PHF20L1: variants seen among roughly 807,000 people sequenced by gnomAD.
The protein encoded by PHF20L1 is PHD finger protein 20 like 1, also known as PHD finger protein 20-like protein 1.
Under a neutral mutation model 125.5 loss-of-function variants are expected in PHF20L1, and 44 were observed. The ratio of observed to expected loss-of-function variants is 0.35; its 90% CI spans 0.28 to 0.45. The LOEUF (loss-of-function observed/expected upper bound fraction) is 0.45, where lower values mean the gene tolerates loss of function less well. PHF20L1 is among the 20% of genes least tolerant of loss of function. The pLI, the probability that PHF20L1 is intolerant of heterozygous loss-of-function variation, is 1.00. For missense variants in PHF20L1, 1,012 were observed against 1,217.2 expected, an observed-to-expected ratio of 0.83 and a Z score of 2.51; for synonymous variants, 380 against 403.1, an observed-to-expected ratio of 0.94 and a Z score of 0.69.
chr8:132,814,644 C>T lies in PHF20L1; in HGVS notation c.938C>T (p.Ser313Leu), dbSNP rs146392094. ...TTTTTATTATTTATTCAGGCGATTT[C>T]ACCTAAACCTCAAAGTCAGAAAAAA... ...ETAPMLEQAISPKPQSQKKNE... is the reference protein window; with the variant it reads ...ETAPMLEQAILPKPQSQKKNE... The change falls in exon 10 of 21, where the codon TCA becomes TTA. Residue 313 changes from serine to leucine, a missense_variant. Physicochemically the swap from Ser to Leu is moderately radical, Grantham distance 145. Transcript: ENST00000395386. 1.3e-6 allele frequency: 2 copies of T among 1,587,052 alleles called. No individual in the cohort carries two copies. Among genetic ancestry groups the T allele is most frequent in the Non-Finnish European group, 1.7e-6 (2 of 1,166,890 alleles).
intron 17 of PHF20L1, 125 bp from the exon 18 acceptor site, chr8:132,839,262 C>CT: frequency 4.1e-6 from 3 of 727,638 alleles, no homozygotes; most frequent in Non-Finnish European, 7.1e-6. Context: ...CTGTCTTACT[C>CT]TTTTTGAATC....
chr8:132,804,264 G>A (rs1185541716), intron 7 of PHF20L1, among the ~76,000 whole-genome samples: 1 of 151,844 alleles, frequency 6.6e-6, no homozygotes, highest in Non-Finnish European at 1.5e-5. Flanking sequence ...ATAGAAATAG[G>A]TTGAGATTTT....
chr8:132,807,805 T>G, intron 8 of PHF20L1: 1 of 453,402 alleles, frequency 2.2e-6, no homozygotes, highest in Non-Finnish European at 4.4e-6. Context: ...TGATGACTAT[T>G]TGATATTCTT....
At chr8:132,838,990 T>C (rs1837654477) in intron 17 of PHF20L1, among the ~76,000 whole-genome samples, 1 of 152,162 alleles carries the variant, frequency 6.6e-6, no homozygotes, top group Non-Finnish European at 1.5e-5. Flanking sequence ...AGGGTTCCTA[T>C]TCACTCAGCT....
At chr8:132,834,032 G>T (rs183618124) in intron 15 of PHF20L1, among the ~76,000 whole-genome samples, 2 of 152,164 alleles carry the variant, frequency 1.3e-5, no homozygotes, top group East Asian at 3.9e-4. Flanking sequence ...ACAATTTAAG[G>T]GGTAGTTGCT....
At chr8:132,804,322 TG>T (rs1335269688) in intron 7 of PHF20L1, among the ~76,000 whole-genome samples, 2 of 151,610 alleles carry the variant, frequency 1.3e-5, no homozygotes, top group African/African-American at 4.9e-5. Context: ...TTTTTTCTTT[TG>T]TTTTGTGTTT....
intron 14 of PHF20L1, among the ~76,000 whole-genome samples, chr8:132,825,782 A>G (rs972336310): frequency 2.0e-5 from 3 of 152,092 alleles, no homozygotes; most frequent in Non-Finnish European, 2.9e-5. Context: ...AGCAAAGGCC[A>G]TGTGAAGATG....
At position 132,816,901 on chromosome 8, in the gene PHF20L1, T is replaced by C; in HGVS notation, c.1197T>C (p.Pro399=). Residue 399 remains proline, a synonymous_variant, in exon 11 of 21, where the codon CCT becomes CCC. Transcript: ENST00000395386. The stretch of plus-strand genomic sequence containing the variant: ...ATCTTTTTCTAGGTCCTCCACAGCC[T>C]GTGAATCCCCCTAGACCTTTCAAGC... ...SVINKTSPPQ[P]VNPPRPFKHS... 6.2e-7 allele frequency: 1 copy of C among 1,610,980 alleles called. No homozygotes were observed. The highest frequency in any genetic ancestry group is 8.5e-7 in the Non-Finnish European group (1 of 1,177,916).
intron 2 of PHF20L1, among the ~76,000 whole-genome samples, chr8:132,780,977 TGGAACTACAG>T (rs945299072): frequency 1.3e-5 from 2 of 151,648 alleles, no homozygotes; most frequent in African/African-American, 4.8e-5. Flanking sequence ...CTTGAATAGC[TGGAACTACAG>T]GTGTGCACCA....
intron 6 of PHF20L1, among the ~76,000 whole-genome samples, chr8:132,800,112 A>G (rs1415181788): frequency 1.3e-5 from 2 of 150,822 alleles, no homozygotes; most frequent in Non-Finnish European, 3.0e-5. Flanking sequence ...ATGAATTGAC[A>G]TTATATTATT....
rs890719372 is a variant in PHF20L1, at chr8:132,847,080, A to G, written c.*1157A>G. On this transcript the variant is annotated 3_prime_UTR_variant, in exon 21 of 21. Transcript: ENST00000395386. The stretch of plus-strand genomic sequence containing the variant: ...TTAGCTCTTGCTGGATTTTGAGCCT[A>G]GGTCCTACTGTCTGCCAGTACTCAT... The G allele has an allele frequency of 1.3e-5, 2 of 152,594 alleles. No individual in the cohort carries two copies. The highest frequency in any genetic ancestry group is 4.8e-5 in the African/African-American group (2 of 41,448). The allele number at this position is 152,594 out of a possible 1,614,324, so 9.5% of individuals were successfully genotyped here.
intron 1 of PHF20L1, among the ~76,000 whole-genome samples, chr8:132,776,411 A>G (rs1032457247): frequency 6.6e-6 from 1 of 152,242 alleles, no homozygotes; most frequent in African/African-American, 2.4e-5. Flanking sequence ...ACATTTAAGT[A>G]ACTGCCTTAC....
intron 9 of PHF20L1, 155 bp downstream of exon 9, chr8:132,811,283 T>G (rs902611050): frequency 5.7e-6 from 8 of 1,407,158 alleles, no homozygotes; most frequent in Admixed American, 2.8e-5. Context: ...TTCTCCAAGG[T>G]ATACAGATAA....
chr8:132,799,180 C>G lies in PHF20L1; in HGVS notation c.507+8C>G. On this transcript the variant is annotated splice_region_variant and intron_variant, in intron 6 of 20. Transcript: ENST00000395386. ...CAGTCTATGGGAAGTGAGGTAAGAG[C>G]CTTTTTTTTAAAAATTTTGTTTTGT... 1 of 1,576,904 alleles carries G rather than the reference C, an allele frequency of 6.3e-7. No homozygotes were observed. The highest frequency in any genetic ancestry group is 8.7e-7 in the Non-Finnish European group (1 of 1,155,148).
At chr8:132,777,566 T>C (rs1169676003) in intron 1 of PHF20L1, among the ~76,000 whole-genome samples, 1 of 152,242 alleles carries the variant, frequency 6.6e-6, no homozygotes, top group Admixed American at 6.5e-5. Context: ...GATAGTTTTC[T>C]TTGTTCTTTT....
rs369090572 is a variant in PHF20L1 at position 132,816,930 on chromosome 8, G to C, written c.1226G>C (p.Ser409Thr). 8.7e-6 allele frequency: 14 copies of C among 1,612,160 alleles called. No individual in the cohort carries two copies. The highest frequency in any genetic ancestry group is 1.2e-5 in the Non-Finnish European group (14 of 1,178,854). The change falls in exon 11 of 21, where the codon AGT (serine) becomes ACT (threonine). Residue 409 changes from serine (S) to threonine (T), a missense_variant. By Grantham distance (58) the Ser-to-Thr change is moderately conservative. This residue lies in a region of PHF20L1 where 119 missense variants were observed against 160.2 expected (regional missense o/e 0.74). Coordinates refer to ENST00000395386, the MANE Select transcript of PHF20L1 (RefSeq NM_016018.5). ...PVNPPRPFKH[S>T]ERRRRSQRLA... ...AATCCCCCTAGACCTTTCAAGCATAGTGAGCGGAGAAGAAGATCTCAGCGT... is the reference window on the plus strand; with the variant it reads ...AATCCCCCTAGACCTTTCAAGCATACTGAGCGGAGAAGAAGATCTCAGCGT...
intron 4 of PHF20L1, among the ~76,000 whole-genome samples, chr8:132,797,758 C>CAA (rs777213911): frequency 6.8e-6 from 1 of 146,526 alleles, no homozygotes; most frequent in Admixed American, 6.8e-5. Flanking sequence ...TCAGAGTACC[C>CAA]AAAAAAAAAA....
At chr8:132,819,815 C>T (rs573847973) in intron 12 of PHF20L1, among the ~76,000 whole-genome samples, 1 of 151,890 alleles carries the variant, frequency 6.6e-6, no homozygotes, top group African/African-American at 2.4e-5. Context: ...CTTTACAGTT[C>T]GTCAGAGACA....
At chr8:132,844,521 T>G (rs1838247401) in intron 20 of PHF20L1, among the ~76,000 whole-genome samples, 1 of 152,108 alleles carries the variant, frequency 6.6e-6, no homozygotes, top group Non-Finnish European at 1.5e-5. Context: ...GACCTTAGGT[T>G]GTTTTTACTT....
Sources: allele counts gnomAD v4.1 joint callset (sites outside exome capture counted in the v4.1 genomes callset), GRCh38; gene constraint gnomAD v4.1.1; regional missense constraint gnomAD v4.1.1; transcripts MANE v1.5; gene names NCBI Gene and HGNC (gene_info 2026-07-23, HGNC 2026-07-21).